The following TCTN1 variants were observed in gnomAD, a reference collection of about 807,000 sequenced individuals.
TCTN1 encodes tectonic family member 1.
In TCTN1, 58 loss-of-function variants were observed where a neutral mutation model predicts 65.8. The observed-to-expected ratio is 0.88, with a 90% CI of 0.71 to 1.10. The LOEUF (loss-of-function observed/expected upper bound fraction) is 1.10, where lower values mean the gene tolerates loss of function less well. Ranked by LOEUF, TCTN1 falls within the 50% of genes least tolerant of loss-of-function variation. TCTN1 has a pLI of 0.00. For synonymous variants in TCTN1, 273 were observed against 289.1 expected, an observed-to-expected ratio of 0.94 and a Z score of 0.57; for missense variants, 645 against 719.4, an observed-to-expected ratio of 0.90 and a Z score of 1.18.
chr12:110,648,226 C>T (rs935038480), intron 14 of TCTN1, among the ~76,000 whole-genome samples: 12 of 152,188 alleles, frequency 7.9e-5, no homozygotes, highest in African/African-American at 2.7e-4. Context: ...CTGCCTCGGC[C>T]TCTGAAAGTG....
chr12:110,626,543 A>T (rs1425166329), intron 3 of TCTN1, 51 bp downstream of exon 3: 1 of 1,548,484 alleles, frequency 6.5e-7, no homozygotes, highest in Non-Finnish European at 8.8e-7. Context: ...AATTTTTCTC[A>T]AAGTTATGGA....
At chr12:110,637,778 C>G (rs543212821) in intron 7 of TCTN1, among the ~76,000 whole-genome samples, 48 of 152,310 alleles carry the variant, frequency 3.2e-4, no homozygotes, top group Non-Finnish European at 5.9e-4. Context: ...TTTTACCACT[C>G]AAAACTGGAA....
intron 3 of TCTN1, among the ~76,000 whole-genome samples, chr12:110,628,450 C>T (rs1197227678): frequency 6.6e-6 from 1 of 151,574 alleles, no homozygotes; most frequent in African/African-American, 2.4e-5. Context: ...CAGCGATTCT[C>T]CTGCCTCAGC....
At chr12:110,641,670 C>T (rs780876693) in intron 10 of TCTN1, 43 bp downstream of exon 10, 38 of 1,562,588 alleles carry the variant, frequency 2.4e-5, no homozygotes, top group Admixed American at 6.7e-5. Flanking sequence ...ATTTCTCTCT[C>T]CATGTGCGTG....
rs78912810 is a variant in TCTN1, at chr12:110,641,860, T to G, written c.1190+233T>G. 7 of 275,336 alleles carry G rather than the reference T, an allele frequency of 2.5e-5. No homozygotes were observed. The South Asian group carries it at 3.6e-4, about 14-fold the overall frequency. The allele number at this position is 275,336 out of a possible 1,614,324, so 17.1% of individuals were successfully genotyped here. A position where few individuals can be genotyped will look rare whatever the true frequency, so the allele number is the denominator to read the frequency against. Reference sequence around the variant, plus strand: ...AGCACGTCCTGGGAAAATGTCAGTGTTTTTTTTTTTTAATCTCCTTTTTTT... The same window carrying G: ...AGCACGTCCTGGGAAAATGTCAGTGGTTTTTTTTTTTAATCTCCTTTTTTT... On this transcript the variant is annotated intron_variant, in intron 10 of 14. Transcript: ENST00000397659.
At chr12:110,632,587 T>G in intron 5 of TCTN1, 28 bp downstream of exon 5, 1 of 1,608,990 alleles carries the variant, frequency 6.2e-7, no homozygotes, top group South Asian at 1.1e-5. Flanking sequence ...CTTCTTTCCT[T>G]AGACATTTGC....
rs1290101898 is a variant in TCTN1 at position 110,645,088 on chromosome 12, T to A, written c.1453T>A (p.Trp485Arg). 1 of 1,614,150 alleles carries A rather than the reference T, an allele frequency of 6.2e-7. No homozygotes were observed. The highest frequency in any genetic ancestry group is 2.2e-5 in the East Asian group (1 of 44,876). ...GNSQAQDMLD[W>R]VPIHFITQSF... ...TTCCCAGGCCCAGGACATGCTGGAC[T>A]GGGTGCCCATCCACTTCATCACCCA... is the stretch of plus-strand genomic sequence containing the variant. Residue 485 changes from tryptophan to arginine, a missense_variant, in exon 12 of 15, where the codon TGG becomes AGG. By Grantham distance (101) the Trp-to-Arg change is moderately radical. Transcript: ENST00000397659.
Position 110,614,336 on chromosome 12 carries a change from AGGCCCCCCGGGACTCCCAGGGCTCCAG to A in TCTN1, c.160_186del (p.Pro54_Pro62del). ...CACCTTCGGAACTTTCCCGTCGACC[AGGCCCCCCGGGACTCCCAGGGCTCCAG>A]GGCCCTCCTCCGGCCCCAGGCCTAC... On this transcript the variant is annotated inframe_deletion, in exon 1 of 15. Coordinates refer to ENST00000397659, the MANE Select transcript of TCTN1 (RefSeq NM_001082538.3). 1 of 1,606,620 alleles carries A rather than the reference AGGCCCCCCGGGACTCCCAGGGCTCCAG, an allele frequency of 6.2e-7. No individual in the cohort carries two copies. Among genetic ancestry groups the A allele is most frequent in the Non-Finnish European group, 8.5e-7 (1 of 1,177,358 alleles).
intron 6 of TCTN1, chr12:110,636,101 A>G (rs773926311): frequency 3.1e-5 from 7 of 225,854 alleles, no homozygotes; most frequent in Non-Finnish European, 6.2e-5. Flanking sequence ...TGGGCAAGCA[A>G]TGGTGGCCTT....
chr12:110,622,860 G>A (rs1371950917), intron 2 of TCTN1, among the ~76,000 whole-genome samples: 1 of 152,198 alleles, frequency 6.6e-6, no homozygotes, highest in African/African-American at 2.4e-5. Context: ...GCCAAGCCTG[G>A]TGGCAGAGAA....
chr12:110,642,211 T>C, intron 10 of TCTN1, 38 bp from the exon 11 acceptor site: 1 of 1,613,808 alleles, frequency 6.2e-7, no homozygotes, highest in Non-Finnish European at 8.5e-7. Flanking sequence ...ACCAGGCTGC[T>C]CTAGCACTAG....
chr12:110,647,370 G>A (rs758750543), intron 13 of TCTN1, 34 bp downstream of exon 13: 1 of 1,613,574 alleles, frequency 6.2e-7, no homozygotes, highest in Non-Finnish European at 8.5e-7. Context: ...CATAGGTTAA[G>A]ACAGAAGTCT....
intron 1 of TCTN1, among the ~76,000 whole-genome samples, chr12:110,615,658 A>G (rs548466974): frequency 2.0e-5 from 3 of 151,708 alleles, no homozygotes; most frequent in Non-Finnish European, 4.4e-5. Context: ...TTATTTTTTT[A>G]TTTTTAGTAG....
chr12:110,628,871 G>A lies in TCTN1; in HGVS notation c.577G>A (p.Val193Ile), dbSNP rs1593283349. 4 of 1,613,668 alleles carry A rather than the reference G, an allele frequency of 2.5e-6. No homozygotes were observed. ...DGFTLNAESY[V>I]SFTTKLDIPT... is the part of the protein sequence containing the mutation. ...TTTTACATTGAATGCTGAATCATAT[G>A]TTTCCTTCACAACCAAACTGGATAT... Residue 193 changes from valine to isoleucine, a missense_variant, in exon 4 of 15, where the codon GTT becomes ATT. Coordinates refer to ENST00000397659, the MANE Select transcript of TCTN1 (RefSeq NM_001082538.3).
chr12:110,629,774 A>G (rs906964893), intron 4 of TCTN1: 9 of 152,348 alleles, frequency 5.9e-5, no homozygotes, highest in Admixed American at 3.3e-4. Context: ...AAATCATTCT[A>G]TAAAGACACA....
At chr12:110,637,929 T>A (rs2066690622) in intron 7 of TCTN1, among the ~76,000 whole-genome samples, 2 of 152,156 alleles carry the variant, frequency 1.3e-5, no homozygotes, top group South Asian at 4.1e-4. Context: ...CCATTCAGGG[T>A]GGGAAGACCT....
chr12:110,620,096 A>C (rs914270310), intron 2 of TCTN1, 140 bp downstream of exon 2: 1 of 1,307,504 alleles, frequency 7.6e-7, no homozygotes, highest in Non-Finnish European at 1.1e-6. Context: ...CATACCGTCC[A>C]AACAAATATG....
At chr12:110,616,311 G>A in intron 1 of TCTN1, 1 of 446,280 alleles carries the variant, frequency 2.2e-6, no homozygotes, top group Non-Finnish European at 4.5e-6. Context: ...GAGTATAGTG[G>A]CATGATCACA....
At chr12:110,617,476 A>G (rs2065123191) in intron 1 of TCTN1, among the ~76,000 whole-genome samples, 1 of 151,676 alleles carries the variant, frequency 6.6e-6, no homozygotes, top group East Asian at 1.9e-4. Context: ...GCCGCGCGCC[A>G]CCATGCCTGG....
Sources: allele counts gnomAD v4.1 joint callset (sites outside exome capture counted in the v4.1 genomes callset), GRCh38; gene constraint gnomAD v4.1.1; transcripts MANE v1.5; gene names NCBI Gene and HGNC (gene_info 2026-07-23, HGNC 2026-07-21).